PRDM9: variants seen among roughly 807,000 people sequenced by gnomAD.
The protein encoded by PRDM9 is histone-lysine N-methyltransferase PRDM9.
A neutral mutation model predicts 55.6 loss-of-function variants in PRDM9; 47 were observed. That is an observed-to-expected ratio of 0.85 (90% CI 0.67 to 1.08). PRDM9 has a LOEUF of 1.08. Among genes scored for constraint, PRDM9 ranks in the 50% least tolerant of loss-of-function variants. The probability of loss-of-function intolerance (pLI) is 0.00; values close to 1 mark genes in which losing one functional copy is unlikely to be tolerated. For missense variants in PRDM9, 867 were observed against 1,040.3 expected, an observed-to-expected ratio of 0.83 and a Z score of 2.29; for synonymous variants, 312 against 375.7, an observed-to-expected ratio of 0.83 and a Z score of 1.96.
intron 6 of PRDM9, among the ~76,000 whole-genome samples, chr5:23,521,613 CAGGCTTG>C (rs1483246279): frequency 6.6e-6 from 1 of 152,286 alleles, no homozygotes; most frequent in East Asian, 1.9e-4. Flanking sequence ...GCTGGGATTA[CAGGCTTG>C]AGCCACCATG....
chr5:23,509,296 A>G (rs1739041743), intron 2 of PRDM9, among the ~76,000 whole-genome samples, 174 bp from the exon 3 acceptor site: 1 of 152,138 alleles, frequency 6.6e-6, no homozygotes, highest in Non-Finnish European at 1.5e-5. Flanking sequence ...GAGCTAGGAA[A>G]ATGCTCAGGG....
In PRDM9 at chr5:23,521,177, T is replaced by C. The variant is rs1172215105; in HGVS notation, c.506T>C (p.Leu169Pro). The C allele has an allele frequency of 1.9e-6, 3 of 1,612,934 alleles. No homozygotes were observed. The Admixed American group carries it at 5.0e-5, about 27-fold the overall frequency. ...STSGQHSRLKLELRKKETERK... is the reference protein window; with the variant it reads ...STSGQHSRLKPELRKKETERK... The stretch of plus-strand genomic sequence containing the variant: ...TCTGGACAGCACTCAAGACTAAAAC[T>C]GGGTAAGAAAAAATATTTGCGGGGA... The change falls in exon 6 of 11, where the codon CTG (leucine) becomes CCG (proline). Residue 169 changes from leucine to proline, a missense_variant and splice_region_variant. Transcript: ENST00000296682.
intron 6 of PRDM9, among the ~76,000 whole-genome samples, chr5:23,521,868 C>G (rs557039283): frequency 1.3e-5 from 2 of 152,268 alleles, no homozygotes; most frequent in East Asian, 3.9e-4. Context: ...AAGTACCTCT[C>G]TGATAATAGA....
At chr5:23,521,498 C>T (rs969787002) in intron 6 of PRDM9, among the ~76,000 whole-genome samples, 4 of 152,066 alleles carry the variant, frequency 2.6e-5, no homozygotes, top group African/African-American at 7.2e-5. Flanking sequence ...CCACTGTGCC[C>T]GGCTGATTTT....
chr5:23,509,345 G>A (rs1739042693), intron 2 of PRDM9, 125 bp from the exon 3 acceptor site: 1 of 1,529,448 alleles, frequency 6.5e-7, no homozygotes, highest in Admixed American at 1.7e-5. Context: ...GAGAAGGAGG[G>A]AAGATCTTTA....
In PRDM9 at chr5:23,527,545, C is replaced by CTG; in HGVS notation, c.2457_2458insTG (p.Leu820CysfsTer120). Reference sequence around the variant, plus strand: ...GGGGCTTTAGCAATAAGTCACACCTCCTCAGACACCAGAGGACACACACAG... The same window carrying CTG: ...GGGGCTTTAGCAATAAGTCACACCTCTGCTCAGACACCAGAGGACACACACAG... On this transcript the variant is annotated frameshift_variant, in exon 11 of 11. Coordinates refer to ENST00000296682, the MANE Select transcript of PRDM9 (RefSeq NM_020227.4). LOFTEE classifies it low-confidence loss of function (END_TRUNC). 6.4e-7 allele frequency: 1 copy of CTG among 1,561,946 alleles called. No homozygotes were observed. Among genetic ancestry groups the CTG allele is most frequent in the Non-Finnish European group, 8.6e-7 (1 of 1,162,986 alleles).
rs559670911 is a variant in PRDM9, at chr5:23,522,657, C to T, written c.654C>T (p.Ala218=). 2 of 1,614,216 alleles carry T rather than the reference C, an allele frequency of 1.2e-6. No homozygotes were observed. The highest frequency in any genetic ancestry group is 1.7e-6 in the Non-Finnish European group (2 of 1,180,040). The change falls in exon 8 of 11, where the codon GCC becomes GCT. Residue 218 remains alanine, a synonymous_variant. Coordinates refer to ENST00000296682, the MANE Select transcript of PRDM9 (RefSeq NM_020227.4). ...ACTTCTTCATTGACAGCTGTGCTGCCCATGGGCCCCCTACATTTGTAAAGG... is the reference window on the plus strand; with the variant it reads ...ACTTCTTCATTGACAGCTGTGCTGCTCATGGGCCCCCTACATTTGTAAAGG... The part of the protein sequence containing the change: ...CQNFFIDSCA[A]HGPPTFVKDS...
intron 10 of PRDM9, among the ~76,000 whole-genome samples, 187 bp downstream of exon 10, chr5:23,524,714 A>G (rs1739398830): frequency 6.6e-6 from 1 of 152,198 alleles, no homozygotes; most frequent in Admixed American, 6.6e-5. Flanking sequence ...TCATATTTTT[A>G]AATCTTTGTT....
Position 23,522,311 on chromosome 5 carries a change from G to C in PRDM9, c.516G>C (p.Arg172Ser). 1 of 1,613,438 alleles carries C rather than the reference G, an allele frequency of 6.2e-7. No homozygotes were observed. Among genetic ancestry groups the C allele is most frequent in the Non-Finnish European group, 8.5e-7 (1 of 1,179,452 alleles). ...TACTCTTCTCCAACCTAGAACTCAG[G>C]AAGAAGGAGACTGAAAGAAAGATGT... ...GQHSRLKLEL[R>S]KKETERKMYS... Residue 172 changes from arginine to serine, a missense_variant, in exon 7 of 11, where the codon AGG becomes AGC. Arg to Ser is a moderately radical substitution (Grantham distance 110). Transcript: ENST00000296682.
rs1209789173 is a variant in PRDM9, at chr5:23,526,844, G to C, written c.1756G>C (p.Gly586Arg). Reference protein sequence around the residue: ...GEKPYVCRECGRGFSWQSVLL... With the variant: ...GEKPYVCRECRRGFSWQSVLL... ...GAAGCCCTATGTCTGCAGGGAGTGTGGGCGGGGCTTTAGCTGGCAGTCAGT... is the reference window on the plus strand; with the variant it reads ...GAAGCCCTATGTCTGCAGGGAGTGTCGGCGGGGCTTTAGCTGGCAGTCAGT... The change falls in exon 11 of 11, where the codon GGG becomes CGG. Residue 586 changes from glycine (G) to arginine (R), a missense_variant. Gly to Arg is a moderately radical substitution (Grantham distance 125). Around this residue, in one of 5 missense-constraint regions of PRDM9, gnomAD observed 662 missense variants for 711.9 expected, o/e 0.93. Transcript: ENST00000296682. 1 of 1,606,004 alleles carries C rather than the reference G, an allele frequency of 6.2e-7. No homozygotes were observed. The highest frequency in any genetic ancestry group is 2.3e-5 in the East Asian group (1 of 44,124).
In PRDM9 at chr5:23,526,812, C is replaced by G; in HGVS notation, c.1724C>G (p.Thr575Arg). The G allele has an allele frequency of 6.3e-7, 1 of 1,591,468 alleles. No homozygotes were observed. Among genetic ancestry groups the G allele is most frequent in the Non-Finnish European group, 8.5e-7 (1 of 1,169,840 alleles). The change falls in exon 11 of 11, where the codon ACA becomes AGA. Residue 575 changes from threonine (T) to arginine (R), a missense_variant. Thr to Arg is a moderately conservative substitution (Grantham distance 71, BLOSUM62 -1). Around this residue, in one of 5 missense-constraint regions of PRDM9, gnomAD observed 662 missense variants for 711.9 expected, o/e 0.93. Transcript: ENST00000296682. ...SHLLIHQRIH[T>R]GEKPYVCREC... ...CTCCTCATTCACCAGAGGATACACACAGGGGAGAAGCCCTATGTCTGCAGG... is the reference window on the plus strand; with the variant it reads ...CTCCTCATTCACCAGAGGATACACAGAGGGGAGAAGCCCTATGTCTGCAGG...
chr5:23,507,204 T>G (rs1245243405), upstream of PRDM9: 2 of 152,428 alleles, frequency 1.3e-5, no homozygotes, highest in Non-Finnish European at 2.9e-5. Flanking sequence ...TGAGAATCAG[T>G]GCAAGAACTC....
chr5:23,509,140 G>A (rs778003655), intron 2 of PRDM9, 38 bp downstream of exon 2: 22 of 1,610,896 alleles, frequency 1.4e-5, no homozygotes, highest in Non-Finnish European at 1.8e-5. Context: ...CTCCTAGCAG[G>A]AGCTGATCTC....
intron 5 of PRDM9, 38 bp from the exon 6 acceptor site, chr5:23,520,985 T>A (rs935766460): frequency 6.2e-7 from 1 of 1,610,226 alleles, no homozygotes; most frequent in Admixed American, 1.7e-5. Context: ...ACTAAAGAAA[T>A]TCGTGTTGTC....
chr5:23,521,218 G>A (rs775026815), intron 6 of PRDM9, 39 bp downstream of exon 6: 4 of 1,608,592 alleles, frequency 2.5e-6, no homozygotes, highest in Non-Finnish European at 3.4e-6. Context: ...GTCCCTCTAT[G>A]TCCTCTAGAA....
chr5:23,527,495 C>T lies in PRDM9; in HGVS notation c.2407C>T (p.Pro803Ser). 1 of 1,581,360 alleles carries T rather than the reference C, an allele frequency of 6.3e-7. No individual in the cohort carries two copies. The highest frequency in any genetic ancestry group is 8.6e-7 in the Non-Finnish European group (1 of 1,168,900). Residue 803 changes from proline (P) to serine (S), a missense_variant, in exon 11 of 11, where the codon CCC (proline) becomes TCC (serine). Around this residue, in one of 5 missense-constraint regions of PRDM9, gnomAD observed 92 missense variants for 185.7 expected, o/e 0.50. Coordinates refer to ENST00000296682, the MANE Select transcript of PRDM9 (RefSeq NM_020227.4). The part of the protein sequence containing the change: ...SHQRTHTGEK[P>S]YVCRECGRGF... Reference sequence around the variant, plus strand: ...CCAGAGGACACACACAGGGGAGAAGCCCTATGTCTGCAGGGAGTGTGGGCG... The same window carrying T: ...CCAGAGGACACACACAGGGGAGAAGTCCTATGTCTGCAGGGAGTGTGGGCG...
intron 4 of PRDM9, among the ~76,000 whole-genome samples, chr5:23,514,517 C>A (rs1739163960): frequency 6.6e-6 from 1 of 152,072 alleles, no homozygotes; most frequent in Admixed American, 6.6e-5. Flanking sequence ...GGTGCGATCT[C>A]AGCTCACTGC....
intron 5 of PRDM9, among the ~76,000 whole-genome samples, chr5:23,518,995 G>C (rs1190767826): frequency 6.6e-6 from 1 of 152,132 alleles, no homozygotes; most frequent in Non-Finnish European, 1.5e-5. Context: ...CTTTGAGTTA[G>C]ATTTCAACTG....
In PRDM9 at chr5:23,524,318, C is replaced by T. The variant is rs751732779; in HGVS notation, c.951-16C>T. 5.0e-5 allele frequency: 80 copies of T among 1,613,096 alleles called. No individual in the cohort carries two copies. The highest frequency in any genetic ancestry group is 6.5e-5 in the Non-Finnish European group (77 of 1,179,248). On this transcript the variant is annotated splice_polypyrimidine_tract_variant and intron_variant, in intron 9 of 10. Transcript: ENST00000296682. ...TCACTGCCTCTTTTCTTTCCCTTTG[C>T]CTGCCTTGACCCCAGGTATGTGAAC...
Sources: gnomAD v4.1 joint callset for allele counts (sites outside exome capture counted in the v4.1 genomes callset) on GRCh38, gnomAD v4.1.1 for gene constraint, gnomAD v4.1.1 regional missense constraint, MANE v1.5 for transcripts, NCBI Gene and HGNC (gene_info 2026-07-23, HGNC 2026-07-21) for gene names.